GABRB3: variants seen among roughly 807,000 people sequenced by gnomAD.
GABRB3 encodes the protein gamma-aminobutyric acid receptor subunit beta-3.
Under a neutral mutation model 52.1 loss-of-function variants are expected in GABRB3, and 14 were observed. The observed-to-expected ratio is 0.27, with a 90% CI of 0.18 to 0.42. GABRB3 has a LOEUF of 0.42. Ranked by LOEUF, GABRB3 falls within the 10% of genes least tolerant of loss-of-function variation. The pLI is 1.00. For synonymous variants in GABRB3, 260 were observed against 232.3 expected (o/e 1.12, Z -1.08); for missense variants, 307 against 609.1 (o/e 0.50, Z 5.22).
Position 26,761,696 on chromosome 15 carries a change from T to A in GABRB3, c.240+10706A>T, listed in dbSNP as rs1349648768. Among the ~76,000 whole-genome samples, 5 of 152,066 alleles carry A rather than the reference T, an allele frequency of 3.3e-5. No individual in the cohort carries two copies. The East Asian group carries it at 7.7e-4, about 24-fold the overall frequency. On this transcript the variant is annotated intron_variant, in intron 3 of 8. Coordinates refer to ENST00000311550, the MANE Select transcript of GABRB3 (RefSeq NM_000814.6). ...CTGCTGCCACAGCCCCCAGGAGGAA[T>A]CTCCAGGTATCCAAGGCTACCAACC...
At chr15:26,698,897 A>G (rs1037062578) in intron 3 of GABRB3, among the ~76,000 whole-genome samples, 1 of 152,238 alleles carries the variant, frequency 6.6e-6, no homozygotes, top group Non-Finnish European at 1.5e-5. Flanking sequence ...TGACAAAAAC[A>G]TAACATTTAT....
chr15:26,720,137 A>AC (rs1453487425), intron 3 of GABRB3, among the ~76,000 whole-genome samples: 6 of 144,832 alleles, frequency 4.1e-5, no homozygotes, highest in African/African-American at 1.5e-4. Context: ...GCACCTCATG[A>AC]CCCCCACTCC....
rs145017619 is a variant in GABRB3, at chr15:26,590,602, G to A, written c.462-7188C>T. Reference sequence around the variant, plus strand: ...TGAGCAAATGCTTGTTATTCAATGTGAAGAAGTCACAGGACATAGGCCAAT... The same window carrying A: ...TGAGCAAATGCTTGTTATTCAATGTAAAGAAGTCACAGGACATAGGCCAAT... On this transcript the variant is annotated intron_variant, in intron 4 of 8. Coordinates refer to ENST00000311550, the MANE Select transcript of GABRB3 (RefSeq NM_000814.6). 1.2e-3 allele frequency among the ~76,000 whole-genome samples: 176 copies of A among 152,332 alleles called. 6 individuals carry two copies. In the East Asian group the frequency reaches 0.028, roughly 25 times the overall value.
intron 4 of GABRB3, among the ~76,000 whole-genome samples, chr15:26,618,308 CA>C (rs1389113187): frequency 6.6e-6 from 1 of 151,566 alleles, no homozygotes; most frequent in Non-Finnish European, 1.5e-5. Flanking sequence ...GTACTGGTAC[CA>C]AAACAGAGAT....
chr15:26,694,410 A>G (rs897491702), intron 3 of GABRB3, among the ~76,000 whole-genome samples: 6 of 152,220 alleles, frequency 3.9e-5, no homozygotes, highest in Admixed American at 2.6e-4. Flanking sequence ...TTGTGTAATA[A>G]CAAGGAATCA....
intron 3 of GABRB3, among the ~76,000 whole-genome samples, chr15:26,724,265 C>T (rs2140143769): frequency 6.6e-6 from 1 of 152,284 alleles, no homozygotes; most frequent in East Asian, 1.9e-4. Flanking sequence ...GCCATCACAG[C>T]TGAGAAATAA....
chr15:26,669,396 T>C (rs1887817543), intron 3 of GABRB3, among the ~76,000 whole-genome samples: 1 of 152,232 alleles, frequency 6.6e-6, no homozygotes, highest in Admixed American at 6.5e-5. Flanking sequence ...TCCTCGTTGA[T>C]GTGCAGTGAG....
intron 3 of GABRB3, among the ~76,000 whole-genome samples, chr15:26,700,779 G>A (rs962999772): frequency 1.3e-5 from 2 of 152,216 alleles, no homozygotes; most frequent in African/African-American, 4.8e-5. Flanking sequence ...CTCTCGGCCA[G>A]GTACAGTGGC....
intron 3 of GABRB3, among the ~76,000 whole-genome samples, chr15:26,653,754 T>C (rs1423663678): frequency 5.3e-5 from 8 of 152,252 alleles, no homozygotes; most frequent in Admixed American, 6.5e-5. Context: ...TCATAATTTT[T>C]GCAAAGGCAG....
chr15:26,649,289 C>T (rs1394944459), intron 3 of GABRB3, among the ~76,000 whole-genome samples: 1 of 152,078 alleles, frequency 6.6e-6, no homozygotes, highest in East Asian at 1.9e-4. Flanking sequence ...CATGAGATGC[C>T]CTTCTGTCTC....
At chr15:26,646,075 C>T (rs763191628) in intron 3 of GABRB3, among the ~76,000 whole-genome samples, 1 of 151,976 alleles carries the variant, frequency 6.6e-6, no homozygotes, top group Non-Finnish European at 1.5e-5. Context: ...AATTTACACA[C>T]CAAAAATTTC....
At chr15:26,556,916 G>A (rs1453420367) in intron 8 of GABRB3, among the ~76,000 whole-genome samples, 3 of 147,544 alleles carry the variant, frequency 2.0e-5, no homozygotes, top group African/African-American at 8.1e-5. Flanking sequence ...GCCAGCAGCT[G>A]TCAGTCAGGG....
chr15:26,695,827 T>C (rs923958118), intron 3 of GABRB3, among the ~76,000 whole-genome samples: 1 of 152,210 alleles, frequency 6.6e-6, no homozygotes, highest in Non-Finnish European at 1.5e-5. Context: ...TCCCAAATCC[T>C]AGAAGCCAAA....
At chr15:26,737,305 C>T (rs946109866) in intron 3 of GABRB3, among the ~76,000 whole-genome samples, 1 of 152,310 alleles carries the variant, frequency 6.6e-6, no homozygotes, top group African/African-American at 2.4e-5. Context: ...AAGAGGACTG[C>T]ACAGTCAACC....
At chr15:26,572,922 A>C (rs1367682143) in intron 6 of GABRB3, among the ~76,000 whole-genome samples, 2 of 152,196 alleles carry the variant, frequency 1.3e-5, no homozygotes, top group Non-Finnish European at 2.9e-5. Context: ...TTCTCCCCAG[A>C]TGCAGTCACC....
chr15:26,580,774 C>A, intron 5 of GABRB3: 1 of 420,368 alleles, frequency 2.4e-6, no homozygotes, highest in Non-Finnish European at 4.5e-6. Flanking sequence ...TAAAATGTAT[C>A]TCAACTGCAA....
At chr15:26,698,707 T>C (rs550723440) in intron 3 of GABRB3, among the ~76,000 whole-genome samples, 1 of 152,190 alleles carries the variant, frequency 6.6e-6, no homozygotes, top group Non-Finnish European at 1.5e-5. Flanking sequence ...CTCCCTCTTT[T>C]GGGCTCATTA....
chr15:26,606,801 T>TCGATAGATAGATAG (rs1566770671), intron 4 of GABRB3, among the ~76,000 whole-genome samples: 1 of 49,042 alleles, frequency 2.0e-5, no homozygotes. Flanking sequence ...TAGATAGATA[T>TCGATAGATAGATAG]ATCTATAGAT....
At chr15:26,687,482 T>C (rs1888443073) in intron 3 of GABRB3, among the ~76,000 whole-genome samples, 1 of 151,988 alleles carries the variant, frequency 6.6e-6, no homozygotes, top group Non-Finnish European at 1.5e-5. Flanking sequence ...CATGCTTCTC[T>C]TTCTCTTCCT....
Sources: gnomAD v4.1 joint callset for allele counts (sites outside exome capture counted in the v4.1 genomes callset) on GRCh38, gnomAD v4.1.1 for gene constraint, MANE v1.5 for transcripts, NCBI Gene and HGNC (gene_info 2026-07-23, HGNC 2026-07-21) for gene names.